APC2: variants seen among roughly 807,000 people sequenced by gnomAD.
The protein encoded by APC2 is APC regulator of Wnt signaling pathway 2.
In APC2, 41 loss-of-function variants were observed where a neutral mutation model predicts 72.5. The ratio of observed to expected loss-of-function variants is 0.57; its 90% CI spans 0.44 to 0.73. APC2 has a LOEUF of 0.73. Among genes scored for constraint, APC2 ranks in the 30% least tolerant of loss-of-function variants. The pLI is 0.00. For missense variants in APC2, 3,729 were observed against 3,403.4 expected (o/e 1.10, Z -2.38); for synonymous variants, 1,898 against 1,612.0 (o/e 1.18, Z -4.25).
At chr19:1,447,975 C>T (rs1296450483), upstream of APC2, among the ~76,000 whole-genome samples, 1 of 152,102 alleles carries the variant, frequency 6.6e-6, no homozygotes, top group African/African-American at 2.4e-5. Context: ...GGACTTAGTT[C>T]CTCTTTGGGG....
chr19:1,471,870 T>C lies in APC2; in HGVS notation c.*1657T>C, dbSNP rs1301138918. 1.3e-5 allele frequency: 2 copies of C among 152,260 alleles called. No individual in the cohort carries two copies. The highest frequency in any genetic ancestry group is 1.3e-4 in the Admixed American group (2 of 15,278). The allele number at this position is 152,260 out of a possible 1,614,324, so 9.4% of individuals were successfully genotyped here. On this transcript the variant is annotated 3_prime_UTR_variant, in exon 15 of 15. Transcript: ENST00000590469. ...AGCTGACCCCAGCCCCCACCCCCAG[T>C]TAACACTGCTGCTTCTCTGAATGCA... is the stretch of plus-strand genomic sequence containing the variant.
In APC2 at chr19:1,450,306, A is replaced by G. The variant is rs1047122538; in HGVS notation, c.-51A>G. On this transcript the variant is annotated 5_prime_UTR_variant, in exon 1 of 15. Transcript: ENST00000590469. ...CGCAGAGGGAGGAGGCCCCAGACCCAGGCGCCCCGCCAGCCCAGCTGCACG... is the reference window on the plus strand; with the variant it reads ...CGCAGAGGGAGGAGGCCCCAGACCCGGGCGCCCCGCCAGCCCAGCTGCACG... 3 of 985,348 alleles carry G rather than the reference A, an allele frequency of 3.0e-6. No homozygotes were observed. The highest frequency in any genetic ancestry group is 3.6e-6 in the Non-Finnish European group (3 of 829,924). 61.0% of individuals were successfully genotyped at this position (985,348 alleles called of 1,614,324 possible).
rs1292158647 is a variant in APC2 at position 1,469,227 on chromosome 19, G to A, written c.5926G>A (p.Ala1976Thr). The A allele has an allele frequency of 7.1e-7, 1 of 1,415,228 alleles. No individual in the cohort carries two copies. The highest frequency in any genetic ancestry group is 1.3e-5 in the South Asian group (1 of 75,934). 87.7% of individuals were successfully genotyped at this position (1,415,228 alleles called of 1,614,324 possible). A position where few individuals can be genotyped will look rare whatever the true frequency, so the allele number is the denominator to read the frequency against. Residue 1976 changes from alanine to threonine, a missense_variant, in exon 15 of 15, where the codon GCC becomes ACC. By Grantham distance (58) the Ala-to-Thr change is moderately conservative. Coordinates refer to ENST00000590469, the MANE Select transcript of APC2 (RefSeq NM_005883.3). ...GGGCCGCCTGGGCCTGGTGCGTGTG[G>A]CCTCAGCCCTCTCCAGCGGCAGCGA... is the stretch of plus-strand genomic sequence containing the variant. ...RGGRLGLVRV[A>T]SALSSGSESS... is the part of the protein sequence containing the mutation.
In APC2 at chr19:1,465,840, C is replaced by A. The variant is rs1448906466; in HGVS notation, c.2539C>A (p.Leu847Met). ...CGTGGCGGCCAAGGCCAAGGCCAAG[C>A]TGGCGCTTGCAGTGGCGCGCATCGA... ...AAVAAKAKAK[L>M]ALAVARIDQL... is the part of the protein sequence containing the mutation. Residue 847 changes from leucine (L) to methionine (M), a missense_variant, in exon 15 of 15, where the codon CTG becomes ATG. Coordinates refer to ENST00000590469, the MANE Select transcript of APC2 (RefSeq NM_005883.3). 6.3e-7 allele frequency: 1 copy of A among 1,576,336 alleles called. No homozygotes were observed. Among genetic ancestry groups the A allele is most frequent in the South Asian group, 1.1e-5 (1 of 87,414 alleles).
chr19:1,454,239 A>C (rs2083783716), intron 4 of APC2, among the ~76,000 whole-genome samples: 1 of 152,194 alleles, frequency 6.6e-6, no homozygotes, highest in Non-Finnish European at 1.5e-5. Flanking sequence ...CACCTGGAGC[A>C]CTTTGAGCCT....
rs773417052 is a variant in APC2, at chr19:1,460,272, C to T, written c.1395C>T (p.Tyr465=). 7.3e-5 allele frequency: 117 copies of T among 1,613,434 alleles called. No homozygotes were observed. Among genetic ancestry groups the T allele is most frequent in the Non-Finnish European group, 8.8e-5 (104 of 1,180,022 alleles). The part of the protein sequence containing the change: ...RDPLNLALRR[Y]AGMTLTNLTF... Reference sequence around the variant, plus strand: ...CGCTGAACCTGGCGCTGCGCCGCTACGCGGGCATGACCCTCACCAACCTCA... The same window carrying T: ...CGCTGAACCTGGCGCTGCGCCGCTATGCGGGCATGACCCTCACCAACCTCA... The change falls in exon 11 of 15, where the codon TAC becomes TAT. Residue 465 remains tyrosine, a synonymous_variant. Transcript: ENST00000590469.
chr19:1,460,883 C>A, intron 12 of APC2, 26 bp downstream of exon 12: 1 of 1,612,382 alleles, frequency 6.2e-7, no homozygotes, highest in South Asian at 1.1e-5. Flanking sequence ...CTGGGAAAGC[C>A]TTCCAGGGTG....
Position 1,467,979 on chromosome 19 carries a change from C to G in APC2, c.4678C>G (p.Pro1560Ala). The G allele has an allele frequency of 6.3e-7, 1 of 1,579,054 alleles. No individual in the cohort carries two copies. The highest frequency in any genetic ancestry group is 1.4e-5 in the African/African-American group (1 of 71,940). ...APSKAAPAAP[P>A]PARTQPSLIA... ...GTCCAAGGCTGCACCAGCTGCCCCG[C>G]CGCCCGCCCGGACCCAGCCCAGCCT... The change falls in exon 15 of 15, where the codon CCG becomes GCG. Residue 1560 changes from proline (P) to alanine (A), a missense_variant. Pro to Ala is a conservative substitution (Grantham distance 27, BLOSUM62 -1). Coordinates refer to ENST00000590469, the MANE Select transcript of APC2 (RefSeq NM_005883.3).
In APC2 at chr19:1,467,802, C is replaced by A. The variant is rs977495041; in HGVS notation, c.4501C>A (p.Pro1501Thr). Residue 1501 changes from proline (P) to threonine (T), a missense_variant, in exon 15 of 15, where the codon CCC becomes ACC. Pro to Thr is a conservative substitution (Grantham distance 38). Coordinates refer to ENST00000590469, the MANE Select transcript of APC2 (RefSeq NM_005883.3). ...GALQSLCLTT[P>T]TEEAVYCFYG... ...GCTCCAGTCGCTGTGCCTCACGACG[C>A]CCACTGAGGAGGCCGTGTACTGCTT... 1 of 1,462,158 alleles carries A rather than the reference C, an allele frequency of 6.8e-7. No homozygotes were observed. The highest frequency in any genetic ancestry group is 9.0e-7 in the Non-Finnish European group (1 of 1,111,758). 90.6% of individuals were successfully genotyped at this position (1,462,158 alleles called of 1,614,324 possible).
intron 13 of APC2, chr19:1,461,465 A>G: frequency 2.3e-6 from 1 of 438,138 alleles, no homozygotes. Context: ...GCTACTCGGG[A>G]GGCTGAGGCA....
intron 13 of APC2, 110 bp from the exon 14 acceptor site, chr19:1,461,853 A>G: frequency 1.1e-6 from 1 of 921,344 alleles, no homozygotes; most frequent in South Asian, 1.8e-5. Flanking sequence ...TTCCGTCTCA[A>G]AAAAAAAAAA....
rs2083768344 is a variant in APC2, at chr19:1,453,330, G to C, written c.225G>C (p.Gln75His). ...CGGGGCAGACGGAGGTGCTGGAGCA[G>C]CTGAAGGGTGAGCGGTGGGGCCACC... is the stretch of plus-strand genomic sequence containing the variant. ...VSSGQTEVLEQLKALQMDITS... is the reference protein window; with the variant it reads ...VSSGQTEVLEHLKALQMDITS... Residue 75 changes from glutamine to histidine, a missense_variant, in exon 3 of 15, where the codon CAG (glutamine) becomes CAC (histidine). Transcript: ENST00000590469. 2 of 1,604,962 alleles carry C rather than the reference G, an allele frequency of 1.2e-6. No individual in the cohort carries two copies. The highest frequency in any genetic ancestry group is 4.5e-5 in the East Asian group (2 of 44,546).
intron 14 of APC2, among the ~76,000 whole-genome samples, chr19:1,463,581 CAA>C (rs58370572): frequency 2.5e-4 from 24 of 96,196 alleles, no homozygotes; most frequent in Admixed American, 3.3e-4. Context: ...AAAACTGTCT[CAA>C]AAAAAAAAAA....
chr19:1,452,910 G>C lies in APC2; in HGVS notation c.-18-74G>C, dbSNP rs970983476. ...GCAGGACGGCTGGGGCTTAGGTCAG[G>C]GGCCGTCTGTCCGGAAGGCATCACC... On this transcript the variant is annotated intron_variant, in intron 1 of 14. Coordinates refer to ENST00000590469, the MANE Select transcript of APC2 (RefSeq NM_005883.3). The surrounding 1 kb of genome is among the most constrained non-coding windows in gnomAD (Gnocchi z 5.1). 1.7e-5 allele frequency: 26 copies of C among 1,515,856 alleles called. No individual in the cohort carries two copies. Among genetic ancestry groups the C allele is most frequent in the Non-Finnish European group, 2.2e-5 (25 of 1,126,508 alleles). The allele number at this position is 1,515,856 out of a possible 1,614,324, so 93.9% of individuals were successfully genotyped here.
At chr19:1,455,624 G>A (rs972710191) in intron 6 of APC2, 124 bp downstream of exon 6, 2 of 964,362 alleles carry the variant, frequency 2.1e-6, no homozygotes, top group Admixed American at 2.2e-5. Flanking sequence ...CTGGGTTGGG[G>A]GGCGCGGGTT....
chr19:1,467,564 AC>A lies in APC2; in HGVS notation c.4265del (p.Pro1422GlnfsTer158). ...QGPPRDQPGG[P>X]AGRQRPTGRP... The stretch of plus-strand genomic sequence containing the variant: ...GACCCCCCAGGGACCAGCCCGGGGG[AC>A]CAGCGGGCAGGCAAAGACCCACCGG... On this transcript the variant is annotated frameshift_variant, in exon 15 of 15. Coordinates refer to ENST00000590469, the MANE Select transcript of APC2 (RefSeq NM_005883.3). LOFTEE classifies it low-confidence loss of function (END_TRUNC). The A allele has an allele frequency of 6.6e-7, 1 of 1,510,430 alleles. No homozygotes were observed. Among genetic ancestry groups the A allele is most frequent in the Admixed American group, 2.1e-5 (1 of 48,724 alleles). The allele number at this position is 1,510,430 out of a possible 1,614,324, so 93.6% of individuals were successfully genotyped here. A position where few individuals can be genotyped will look rare whatever the true frequency, so the allele number is the denominator to read the frequency against.
intron 10 of APC2, among the ~76,000 whole-genome samples, chr19:1,459,422 G>A (rs146980599): frequency 2.0e-5 from 3 of 152,316 alleles, no homozygotes; most frequent in African/African-American, 7.2e-5. Context: ...GTGTGCACAG[G>A]GCACGCTGGG....
intron 14 of APC2, among the ~76,000 whole-genome samples, chr19:1,463,396 C>A (rs1260486365): frequency 7.1e-6 from 1 of 141,168 alleles, no homozygotes; most frequent in Non-Finnish European, 1.5e-5. Context: ...CCAGCCTGGG[C>A]GACAGAGGGG....
chr19:1,456,001 C>A, intron 6 of APC2, 75 bp from the exon 7 acceptor site: 2 of 1,366,396 alleles, frequency 1.5e-6, no homozygotes, highest in South Asian at 1.3e-5. Context: ...AGGGTGGGGT[C>A]ATCCCAGGGA....
Sources: allele counts gnomAD v4.1 joint callset (sites outside exome capture counted in the v4.1 genomes callset), GRCh38; gene constraint gnomAD v4.1.1; non-coding constraint Gnocchi (gnomAD v3.1); transcripts MANE v1.5; gene names NCBI Gene and HGNC (gene_info 2026-07-23, HGNC 2026-07-21).